The following PRKN variants were observed in gnomAD, a reference collection of about 807,000 sequenced individuals.
PRKN encodes the protein E3 ubiquitin-protein ligase parkin.
A neutral mutation model predicts 59.5 loss-of-function variants in PRKN; 56 were observed. The observed-to-expected ratio is 0.94, with a 90% CI of 0.76 to 1.18. The LOEUF is 1.18. PRKN is among the 50% of genes most tolerant of loss of function. The pLI is 0.00. For missense variants in PRKN, 657 were observed against 596.4 expected (o/e 1.10, Z -1.06); for synonymous variants, 250 against 222.1 (o/e 1.13, Z -1.12).
chr6:162,480,367 G>A (rs1792245269), intron 1 of PRKN, among the ~76,000 whole-genome samples: 1 of 152,148 alleles, frequency 6.6e-6, no homozygotes, highest in Admixed American at 6.5e-5. Flanking sequence ...GCACATGGCT[G>A]TATACATTTT....
chr6:161,839,240 A>G (rs1003912318), intron 6 of PRKN, among the ~76,000 whole-genome samples: 1 of 152,124 alleles, frequency 6.6e-6, no homozygotes, highest in Non-Finnish European at 1.5e-5. Flanking sequence ...CCCTGAGGGA[A>G]GAAGGTAAGC....
rs10629175 is a variant in PRKN, at chr6:162,503,136, C to CTTTTTT, written c.8-59669_8-59664dup. 1.1e-3 allele frequency among the ~76,000 whole-genome samples: 91 copies of CTTTTTT among 81,080 alleles called. 4 individuals carry two copies. The highest frequency in any genetic ancestry group is 2.0e-3 in the East Asian group (6 of 3,032). The allele number at this position is 81,080 out of a possible 152,430, so 53.2% of individuals were successfully genotyped here. ...ACCCTACAGAAAATAGTCTTCATTT[C>CTTTTTT]TTTTTTTTTTTTTTTTTTTTTTTGT... On this transcript the variant is annotated intron_variant, in intron 1 of 11. Transcript: ENST00000366898.
intron 1 of PRKN, among the ~76,000 whole-genome samples, chr6:162,657,438 T>G (rs1220965118): frequency 6.6e-6 from 1 of 152,118 alleles, no homozygotes; most frequent in Non-Finnish European, 1.5e-5. Context: ...ATATCAACTT[T>G]CCATCAATAT....
At position 162,384,665 on chromosome 6, in the gene PRKN, A is replaced by C. The variant is rs866196454; in HGVS notation, c.171+58645T>G. On this transcript the variant is annotated intron_variant, in intron 2 of 11. Coordinates refer to ENST00000366898, the MANE Select transcript of PRKN (RefSeq NM_004562.3). Reference sequence around the variant, plus strand: ...CAATTTGTAAAAAAAAAAAAAAACAAAAAAAAAAAACACTCATTATCTGCA... The same window carrying C: ...CAATTTGTAAAAAAAAAAAAAAACACAAAAAAAAAACACTCATTATCTGCA... Among the ~76,000 whole-genome samples, 401 of 68,400 alleles carry C rather than the reference A, an allele frequency of 5.9e-3. 3 individuals carry two copies. In the East Asian group the frequency reaches 0.14, roughly 23 times the overall value. 44.9% of individuals were successfully genotyped at this position (68,400 alleles called of 152,430 possible).
chr6:161,567,032 T>TC (rs1357252934), intron 8 of PRKN, among the ~76,000 whole-genome samples: 3 of 118,646 alleles, frequency 2.5e-5, no homozygotes, highest in Non-Finnish European at 5.3e-5. Flanking sequence ...GTTTTTTTTT[T>TC]TTTTTTGTGT....
chr6:161,963,758 C>G (rs77211481), intron 6 of PRKN, among the ~76,000 whole-genome samples: 1,777 of 152,314 alleles, frequency 0.012, 27 homozygotes, highest in African/African-American at 0.041. Flanking sequence ...GTTTGTTGCA[C>G]TGCATGAAAC....
At chr6:161,835,659 G>C (rs545421807) in intron 6 of PRKN, among the ~76,000 whole-genome samples, 2 of 152,340 alleles carry the variant, frequency 1.3e-5, no homozygotes, top group African/African-American at 4.8e-5. Flanking sequence ...GGGGAGGGTT[G>C]GGGAGGGGCT....
intron 6 of PRKN, among the ~76,000 whole-genome samples, chr6:161,947,710 G>A (rs536116984): frequency 4.0e-4 from 61 of 152,252 alleles, no homozygotes; most frequent in Non-Finnish European, 6.8e-4. Flanking sequence ...TTTTAAAACG[G>A]TATTTTTCAC....
intron 2 of PRKN, among the ~76,000 whole-genome samples, chr6:162,384,977 C>A (rs1435510333): frequency 1.3e-5 from 2 of 152,052 alleles, no homozygotes; most frequent in Admixed American, 1.3e-4. Flanking sequence ...TATGAAGGGG[C>A]CTATGTTTAT....
At position 161,397,703 on chromosome 6, in the gene PRKN, G is replaced by A. The variant is rs1006545827; in HGVS notation, c.1084-10826C>T. 5.3e-5 allele frequency among the ~76,000 whole-genome samples: 8 copies of A among 152,184 alleles called. No homozygotes were observed. Among genetic ancestry groups the A allele is most frequent in the Admixed American group, 3.9e-4 (6 of 15,274 alleles). ...CATCAAACCTTTGCAGAATAAACAA[G>A]CAGTAGTAGCTGGAAAAGCCTCAAC... On this transcript the variant is annotated intron_variant, in intron 9 of 11. Coordinates refer to ENST00000366898, the MANE Select transcript of PRKN (RefSeq NM_004562.3). The surrounding 1 kb of genome is among the most constrained non-coding windows in gnomAD (Gnocchi z 4.2).
chr6:162,525,409 C>G lies in PRKN; in HGVS notation c.8-81936G>C, dbSNP rs1371213603. Among the ~76,000 whole-genome samples the G allele has an allele frequency of 3.3e-5, 5 of 152,316 alleles. No homozygotes were observed. In the East Asian group the frequency reaches 9.7e-4, roughly 30 times the overall value. On this transcript the variant is annotated intron_variant, in intron 1 of 11. Coordinates refer to ENST00000366898, the MANE Select transcript of PRKN (RefSeq NM_004562.3). The stretch of plus-strand genomic sequence containing the variant: ...GGGCCTCTGTACTTCTTTCCTCCCC[C>G]TGAAATGCTGGGCCCAGGCTGGCCA...
At chr6:162,509,014 A>G (rs1793727615) in intron 1 of PRKN, among the ~76,000 whole-genome samples, 1 of 152,190 alleles carries the variant, frequency 6.6e-6, no homozygotes, top group Admixed American at 6.5e-5. Context: ...ATAACTAAGA[A>G]TCTAAGAATG....
intron 6 of PRKN, among the ~76,000 whole-genome samples, chr6:161,867,628 C>G: frequency 6.6e-6 from 1 of 152,092 alleles, no homozygotes; most frequent in East Asian, 1.9e-4. Context: ...CAGATAAATA[C>G]TTGCCATAGT....
Position 161,447,694 on chromosome 6 carries a change from C to A in PRKN, c.1084-60817G>T, listed in dbSNP as rs1345737904. Among the ~76,000 whole-genome samples the A allele has an allele frequency of 6.6e-6, 1 of 152,270 alleles. No homozygotes were observed. The highest frequency in any genetic ancestry group is 3.4e-3 in the Middle Eastern group (1 of 294). On this transcript the variant is annotated intron_variant, in intron 9 of 11. Coordinates refer to ENST00000366898, the MANE Select transcript of PRKN (RefSeq NM_004562.3). This position sits in a 1 kb window ranked among gnomAD's most constrained non-coding sequence, Gnocchi z 4.1. ...ATTTTTAGTAGACACAGCGTTTCAC[C>A]GTGTAAGCTAGGATGGTCTCGATCT... is the stretch of plus-strand genomic sequence containing the variant.
intron 7 of PRKN, among the ~76,000 whole-genome samples, chr6:161,606,041 G>A (rs1200951556): frequency 6.6e-6 from 1 of 152,162 alleles, no homozygotes; most frequent in African/African-American, 2.4e-5. Context: ...GGGGTTCGAG[G>A]AAATGCAGAA....
intron 6 of PRKN, among the ~76,000 whole-genome samples, chr6:161,921,626 G>T (rs9355968): frequency 0.49 from 74,569 of 151,934 alleles, 19,344 homozygotes; most frequent in African/African-American, 0.66. Context: ...CACTATAATT[G>T]TATGGGACCA....
At chr6:162,017,870 A>G (rs73030429) in intron 5 of PRKN, among the ~76,000 whole-genome samples, 30,038 of 151,762 alleles carry the variant, frequency 0.2, 3,052 homozygotes, top group Middle Eastern at 0.25. Flanking sequence ...CTTAAAATAA[A>G]CCAATACCAA....
Position 161,376,460 on chromosome 6 carries a change from G to A in PRKN, c.1167+10334C>T, listed in dbSNP as rs571892889. Among the ~76,000 whole-genome samples the A allele has an allele frequency of 2.0e-5, 3 of 152,224 alleles. No homozygotes were observed. The highest frequency in any genetic ancestry group is 1.9e-4 in the East Asian group (1 of 5,184). ...GACATTCATGCATCAACATTAACCC[G>A]TCTCCTCTCATCCTGTCTTCTAATC... On this transcript the variant is annotated intron_variant, in intron 10 of 11. Transcript: ENST00000366898. The surrounding 1 kb of genome is among the most constrained non-coding windows in gnomAD (Gnocchi z 7.3).
Position 161,352,755 on chromosome 6 carries a change from G to GTGTGTATATA in PRKN, c.1286-2545_1286-2544insTATATACACA, listed in dbSNP as rs766949960. On this transcript the variant is annotated intron_variant, in intron 11 of 11. Transcript: ENST00000366898. The surrounding 1 kb of genome is among the most constrained non-coding windows in gnomAD (Gnocchi z 5.8). ...TGTGTGTGTGTGTGTGTGTGTGTGT[G>GTGTGTATATA]TATATATATATATATATTTTATTTT... Among the ~76,000 whole-genome samples the GTGTGTATATA allele has an allele frequency of 2.2e-5, 3 of 134,378 alleles. No individual in the cohort carries two copies. The highest frequency in any genetic ancestry group is 7.4e-5 in the Admixed American group (1 of 13,528). The allele number at this position is 134,378 out of a possible 152,430, so 88.2% of individuals were successfully genotyped here. A position where few individuals can be genotyped will look rare whatever the true frequency, so the allele number is the denominator to read the frequency against.
Sources: allele counts gnomAD v4.1 joint callset (sites outside exome capture counted in the v4.1 genomes callset), GRCh38; gene constraint gnomAD v4.1.1; non-coding constraint Gnocchi (gnomAD v3.1); transcripts MANE v1.5; gene names NCBI Gene and HGNC (gene_info 2026-07-23, HGNC 2026-07-21).